Variants in SAMTOR observed in about 807,000 individuals in gnomAD.
The protein encoded by SAMTOR is UPF0532 protein C7orf60.
At chr7:112,901,255 C>T in the SAMTOR span, among the ~76,000 whole-genome samples, 1 of 152,170 alleles carries the variant, frequency 6.6e-6, no homozygotes. Context: ...CAGCTGTTCC[C>T]CATTGCTCGC....
the SAMTOR span, among the ~76,000 whole-genome samples, chr7:112,896,128 T>G: frequency 6.6e-6 from 1 of 152,210 alleles, no homozygotes; most frequent in Non-Finnish European, 1.5e-5. Context: ...AGTAGACAGA[T>G]AACCCAACAG....
chr7:112,837,875 G>A, the SAMTOR span, among the ~76,000 whole-genome samples: 3 of 151,820 alleles, frequency 2.0e-5, no homozygotes, highest in African/African-American at 4.8e-5. Context: ...TATTTAATAC[G>A]TATTGTTGAT....
chr7:112,874,723 ATCT>A, the SAMTOR span, among the ~76,000 whole-genome samples: 3,399 of 152,262 alleles, frequency 0.022, 63 homozygotes, highest in Admixed American at 0.042. Context: ...ATCTGTCTTA[ATCT>A]TGATGTTTAA....
the SAMTOR span, among the ~76,000 whole-genome samples, chr7:112,884,638 C>A: frequency 6.6e-6 from 1 of 152,210 alleles, no homozygotes; most frequent in Non-Finnish European, 1.5e-5. Flanking sequence ...AAGAGGTAGC[C>A]TCCCACAGCC....
the SAMTOR span, chr7:112,822,427 A>C: frequency 2.1e-6 from 3 of 1,425,798 alleles, no homozygotes; most frequent in South Asian, 2.7e-5. Flanking sequence ...TTTCCACTTT[A>C]GTACATAGAC....
the SAMTOR span, among the ~76,000 whole-genome samples, chr7:112,926,374 ACTACC>A: frequency 6.6e-6 from 1 of 152,202 alleles, no homozygotes; most frequent in Admixed American, 6.5e-5. Context: ...ACAGAAACCT[ACTACC>A]CTACAACTTT....
the SAMTOR span, among the ~76,000 whole-genome samples, chr7:112,936,051 T>A: frequency 6.6e-6 from 1 of 152,200 alleles, no homozygotes; most frequent in Non-Finnish European, 1.5e-5. Context: ...TCTTATACAT[T>A]TAAAATATTT....
chr7:112,820,379 CA>C, the SAMTOR span: 1 of 152,198 alleles, frequency 6.6e-6, no homozygotes, highest in South Asian at 2.1e-4. Context: ...TAAAAACATA[CA>C]AACATACGCA....
At chr7:112,865,363 T>C in the SAMTOR span, among the ~76,000 whole-genome samples, 45 of 152,086 alleles carry the variant, frequency 3.0e-4, no homozygotes, top group Non-Finnish European at 5.6e-4. Context: ...CTGCAACCTC[T>C]GCCTCCTGGG....
At chr7:112,880,940 G>A in the SAMTOR span, among the ~76,000 whole-genome samples, 6 of 152,112 alleles carry the variant, frequency 3.9e-5, no homozygotes, top group African/African-American at 1.4e-4. Flanking sequence ...GGCAGGATCC[G>A]GGAACAGGTG....
At chr7:112,828,952 G>C in the SAMTOR span, among the ~76,000 whole-genome samples, 2 of 152,094 alleles carry the variant, frequency 1.3e-5, no homozygotes, top group African/African-American at 4.8e-5. Flanking sequence ...TTTATCACTA[G>C]TTTTAGAAGT....
chr7:112,909,720 C>T, the SAMTOR span, among the ~76,000 whole-genome samples: 4 of 151,562 alleles, frequency 2.6e-5, no homozygotes, highest in African/African-American at 4.8e-5. Flanking sequence ...CCAAGTCCTT[C>T]GGTGTAACAG....
At chr7:112,920,950 T>C in the SAMTOR span, among the ~76,000 whole-genome samples, 3 of 151,992 alleles carry the variant, frequency 2.0e-5, no homozygotes, top group Admixed American at 6.6e-5. Context: ...TAAAAGAGGA[T>C]ACAAACAAAT....
At chr7:112,848,096 T>G in the SAMTOR span, among the ~76,000 whole-genome samples, 1 of 152,188 alleles carries the variant, frequency 6.6e-6, no homozygotes. Context: ...GAGGCTATAC[T>G]GAGCTATGAT....
the SAMTOR span, among the ~76,000 whole-genome samples, chr7:112,842,024 G>A: frequency 2.6e-5 from 4 of 151,972 alleles, no homozygotes; most frequent in Non-Finnish European, 4.4e-5. Context: ...AGCCTTTATA[G>A]GTCTGTTCTT....
chr7:112,927,965 T>C, the SAMTOR span, among the ~76,000 whole-genome samples: 2 of 151,994 alleles, frequency 1.3e-5, no homozygotes, highest in Admixed American at 6.6e-5. Flanking sequence ...ACCATAACTA[T>C]TGCATTGACT....
chr7:112,932,993 G>A, the SAMTOR span, among the ~76,000 whole-genome samples: 2 of 152,154 alleles, frequency 1.3e-5, no homozygotes, highest in Non-Finnish European at 2.9e-5. Flanking sequence ...GATTTAAAGA[G>A]GAACATTTTA....
the SAMTOR span, among the ~76,000 whole-genome samples, chr7:112,847,554 G>A: frequency 3.3e-5 from 5 of 151,868 alleles, no homozygotes; most frequent in African/African-American, 4.8e-5. Context: ...CGAGGCGGGC[G>A]GATCACCTGA....
chr7:112,917,938 T>C, the SAMTOR span, among the ~76,000 whole-genome samples: 1 of 152,112 alleles, frequency 6.6e-6, no homozygotes, highest in Non-Finnish European at 1.5e-5. Context: ...CCAAGAAATA[T>C]GAGACTATGT....
Sources: gnomAD v4.1 joint callset for allele counts (sites outside exome capture counted in the v4.1 genomes callset) on GRCh38, gnomAD v4.1.1 for gene constraint, MANE v1.5 for transcripts, NCBI Gene and HGNC (gene_info 2026-07-23, HGNC 2026-07-21) for gene names.